The following ANKRD18B variants were observed in gnomAD, a reference collection of about 807,000 sequenced individuals.
ANKRD18B encodes the protein ankyrin repeat domain-containing protein 18B.
ANKRD18B carries 75 observed loss-of-function variants against 111.8 expected under a neutral mutation model. The ratio of observed to expected loss-of-function variants is 0.67; its 90% CI spans 0.56 to 0.81. The LOEUF is 0.81. ANKRD18B is among the 40% of genes least tolerant of loss of function. The pLI is 0.00. For synonymous variants in ANKRD18B, 356 were observed against 417.3 expected, an observed-to-expected ratio of 0.85 and a Z score of 1.79; for missense variants, 1,038 against 1,225.5, an observed-to-expected ratio of 0.85 and a Z score of 2.28.
intron 14 of ANKRD18B, among the ~76,000 whole-genome samples, chr9:33,563,426 C>G (rs1828636224): frequency 6.6e-6 from 1 of 152,194 alleles, no homozygotes; most frequent in Non-Finnish European, 1.5e-5. Flanking sequence ...TGGCTGGAAC[C>G]TCAGCTGGGG....
intron 10 of ANKRD18B, among the ~76,000 whole-genome samples, chr9:33,543,929 A>G (rs1828319429): frequency 6.6e-6 from 1 of 152,198 alleles, no homozygotes. Context: ...TAAGCAGATA[A>G]CCTATCTAGA....
At chr9:33,537,483 T>C (rs922797250) in intron 6 of ANKRD18B, among the ~76,000 whole-genome samples, 9 of 152,180 alleles carry the variant, frequency 5.9e-5, no homozygotes, top group Admixed American at 4.6e-4. Context: ...CTACTTATGA[T>C]CCCTGAAATT....
chr9:33,534,556 A>G (rs755176948), intron 5 of ANKRD18B, 49 bp downstream of exon 5: 9 of 1,471,522 alleles, frequency 6.1e-6, no homozygotes, highest in African/African-American at 2.9e-5. Flanking sequence ...AAGGTTTTAA[A>G]TAATTATAAC....
intron 14 of ANKRD18B, among the ~76,000 whole-genome samples, chr9:33,563,242 C>G (rs1338942708): frequency 1.3e-5 from 2 of 152,006 alleles, no homozygotes; most frequent in African/African-American, 4.8e-5. Flanking sequence ...TAACAATTAC[C>G]CAGAGTTTTG....
Position 33,548,633 on chromosome 9 carries a change from G to C in ANKRD18B, c.1845G>C (p.Glu615Asp), listed in dbSNP as rs1828401276. 2 of 1,551,360 alleles carry C rather than the reference G, an allele frequency of 1.3e-6. No individual in the cohort carries two copies. Among genetic ancestry groups the C allele is most frequent in the Non-Finnish European group, 1.7e-6 (2 of 1,146,682 alleles). ...QSIGKQNSSE[E>D]RIRQRELENL... ...TTGGAAAGCAGAACTCTTCAGAGGA[G>C]AGAATACGTCAACGAGAACTTGAAA... The change falls in exon 11 of 19, where the codon GAG becomes GAC. Residue 615 changes from glutamate (E) to aspartate (D), a missense_variant. Physicochemically the swap from Glu to Asp is conservative, Grantham distance 45. This residue lies in a region of ANKRD18B where 524 missense variants were observed against 677.9 expected (regional missense o/e 0.77). Coordinates refer to ENST00000684830, the MANE Select transcript of ANKRD18B (RefSeq NM_001393611.1).
chr9:33,554,145 G>GAGAGAGAAAGAAAGAA (rs144467100), intron 12 of ANKRD18B, among the ~76,000 whole-genome samples: 1 of 148,462 alleles, frequency 6.7e-6, no homozygotes, highest in East Asian at 2.0e-4. Context: ...GAAAGAGAGA[G>GAGAGAGAAAGAAAGAA]AGAGAGAAAG....
intron 14 of ANKRD18B, among the ~76,000 whole-genome samples, chr9:33,565,747 A>G (rs562580895): frequency 2.3e-4 from 35 of 152,300 alleles, no homozygotes; most frequent in African/African-American, 7.9e-4. Context: ...TGCTGGGATT[A>G]CAAGCATGGG....
intron 1 of ANKRD18B, among the ~76,000 whole-genome samples, chr9:33,525,209 C>T (rs1312701256): frequency 6.6e-6 from 1 of 152,192 alleles, no homozygotes; most frequent in African/African-American, 2.4e-5. Context: ...TTTTGCATGA[C>T]ACTTGCTGTC....
intron 6 of ANKRD18B, among the ~76,000 whole-genome samples, chr9:33,538,048 G>T (rs1828226000): frequency 6.6e-6 from 1 of 152,080 alleles, no homozygotes; most frequent in African/African-American, 2.4e-5. Flanking sequence ...GCATATAAGT[G>T]GACCCCTGCA....
chr9:33,566,128 A>G (rs928075045), intron 14 of ANKRD18B, 91 bp from the exon 15 acceptor site: 1 of 1,109,374 alleles, frequency 9.0e-7, no homozygotes, highest in African/African-American at 1.6e-5. Flanking sequence ...ATTTTATTGC[A>G]AGTGGATGCA....
intron 5 of ANKRD18B, among the ~76,000 whole-genome samples, chr9:33,535,066 A>C (rs184484038): frequency 6.6e-6 from 1 of 151,986 alleles, no homozygotes; most frequent in African/African-American, 2.4e-5. Context: ...CCTAAGCCCA[A>C]GGAAGACAAT....
chr9:33,537,730 T>C (rs1391683137), intron 6 of ANKRD18B, among the ~76,000 whole-genome samples: 1 of 152,184 alleles, frequency 6.6e-6, no homozygotes, highest in Admixed American at 6.5e-5. Context: ...TAACTTTGAC[T>C]CCTTCCAAAC....
chr9:33,542,646 A>G (rs1461260541), intron 9 of ANKRD18B, among the ~76,000 whole-genome samples: 1 of 152,078 alleles, frequency 6.6e-6, no homozygotes, highest in Non-Finnish European at 1.5e-5. Flanking sequence ...AAGTGCTGGG[A>G]TTACAGGTGT....
chr9:33,528,980 T>C lies in ANKRD18B; in HGVS notation c.322-20T>C, dbSNP rs1369264468. On this transcript the variant is annotated intron_variant, in intron 2 of 18. Transcript: ENST00000684830. ...GAATTCTTAGAATTTATAGTCTAGT[T>C]TTTTATCTAACACTAATAGGCTGTA... is the stretch of plus-strand genomic sequence containing the variant. 6.2e-7 allele frequency: 1 copy of C among 1,611,178 alleles called. No individual in the cohort carries two copies. Among genetic ancestry groups the C allele is most frequent in the African/African-American group, 1.3e-5 (1 of 74,844 alleles).
Position 33,537,530 on chromosome 9 carries a change from TTTAAG to T in ANKRD18B, c.808+590_808+594del, listed in dbSNP as rs527439606. Among the ~76,000 whole-genome samples, 27 of 152,298 alleles carry T rather than the reference TTTAAG, an allele frequency of 1.8e-4. 2 individuals are homozygous for T. The South Asian group carries it at 5.4e-3, about 30-fold the overall frequency. Reference sequence around the variant, plus strand: ...TGTATTAATATAAATAAGAAATTAGTTTAAGTTAATATGTTGCAATTTCCTCTGTA... The same window carrying T: ...TGTATTAATATAAATAAGAAATTAGTTTAATATGTTGCAATTTCCTCTGTA... On this transcript the variant is annotated intron_variant, in intron 6 of 18. Coordinates refer to ENST00000684830, the MANE Select transcript of ANKRD18B (RefSeq NM_001393611.1).
intron 17 of ANKRD18B, chr9:33,569,255 A>G (rs1307469775): frequency 2.7e-5 from 4 of 149,848 alleles, no homozygotes; most frequent in Non-Finnish European, 5.6e-5. Context: ...TCTGTGGTTC[A>G]TATCACTTTT....
rs192456950 is a variant in ANKRD18B at position 33,572,821 on chromosome 9, T to G, written c.*387T>G. 730 of 840,214 alleles carry G rather than the reference T, an allele frequency of 8.7e-4. No homozygotes were observed. The highest frequency in any genetic ancestry group is 2.9e-3 in the South Asian group (54 of 18,880). The allele number at this position is 840,214 out of a possible 1,614,324, so 52.0% of individuals were successfully genotyped here. On this transcript the variant is annotated 3_prime_UTR_variant, in exon 19 of 19. Transcript: ENST00000684830. ...ATTTTCTTTTTGTAGTTCAATAGTA[T>G]TTTGTGTGGAGATACTTTGAAGCTC...
chr9:33,569,763 G>A (rs1200647247), intron 17 of ANKRD18B, among the ~76,000 whole-genome samples: 2 of 152,120 alleles, frequency 1.3e-5, no homozygotes, highest in African/African-American at 4.8e-5. Context: ...GCCAGGTGTG[G>A]TGGCTCACGC....
intron 12 of ANKRD18B, among the ~76,000 whole-genome samples, chr9:33,554,983 C>T (rs573388714): frequency 7.2e-6 from 1 of 138,270 alleles, no homozygotes; most frequent in East Asian, 2.0e-4. Flanking sequence ...TCTAAAGAGC[C>T]TTGCACTGGT....
Sources: gnomAD v4.1 joint callset for allele counts (sites outside exome capture counted in the v4.1 genomes callset) on GRCh38, gnomAD v4.1.1 for gene constraint, gnomAD v4.1.1 regional missense constraint, MANE v1.5 for transcripts, NCBI Gene and HGNC (gene_info 2026-07-23, HGNC 2026-07-21) for gene names.